Variants in SGCD observed in about 807,000 individuals in gnomAD.
SGCD encodes the protein delta-sarcoglycan.
A neutral mutation model predicts 36.6 loss-of-function variants in SGCD; 18 were observed. The ratio of observed to expected loss-of-function variants is 0.49; its 90% CI spans 0.34 to 0.73. The LOEUF is 0.73. Among genes scored for constraint, SGCD ranks in the 30% least tolerant of loss-of-function variants. SGCD has a pLI of 0.01. For synonymous variants in SGCD, 133 were observed against 130.6 expected (o/e 1.02, Z -0.12); for missense variants, 387 against 346.7 (o/e 1.12, Z -0.92).
intron 1 of SGCD, among the ~76,000 whole-genome samples, chr5:155,917,599 C>T (rs1009031292): frequency 1.3e-4 from 20 of 152,182 alleles, no homozygotes; most frequent in African/African-American, 4.8e-4. Flanking sequence ...GGAAATAAAA[C>T]ATACAGCCTA....
chr5:156,236,294 G>T (rs963485518), intron 3 of SGCD, among the ~76,000 whole-genome samples: 2 of 151,924 alleles, frequency 1.3e-5, no homozygotes, highest in Non-Finnish European at 1.5e-5. Context: ...TTGTCCCTTT[G>T]CATTTAGTGT....
At chr5:156,688,171 C>A (rs1186576727) in intron 7 of SGCD, among the ~76,000 whole-genome samples, 1 of 152,062 alleles carries the variant, frequency 6.6e-6, no homozygotes, top group African/African-American at 2.4e-5. Flanking sequence ...GGTAATAAGC[C>A]TAATATCCTT....
intron 3 of SGCD, among the ~76,000 whole-genome samples, chr5:156,297,844 C>T (rs895415039): frequency 2.0e-5 from 3 of 150,948 alleles, no homozygotes; most frequent in Non-Finnish European, 3.0e-5. Context: ...CTATAGTCAC[C>T]CTGTTGTGCT....
chr5:155,975,452 A>G (rs996000722), intron 1 of SGCD, among the ~76,000 whole-genome samples: 3 of 152,094 alleles, frequency 2.0e-5, no homozygotes, highest in Non-Finnish European at 4.4e-5. Context: ...TGCCAAAAAT[A>G]TCAACAGTGC....
At chr5:156,372,933 G>A (rs1245712666) in intron 3 of SGCD, among the ~76,000 whole-genome samples, 3 of 145,496 alleles carry the variant, frequency 2.1e-5, no homozygotes, top group Non-Finnish European at 4.4e-5. Context: ...GTACTCCTTT[G>A]CCTTTGTGTT....
At chr5:155,870,164 G>A (rs1755604048), upstream of SGCD, among the ~76,000 whole-genome samples, 1 of 152,204 alleles carries the variant, frequency 6.6e-6, no homozygotes, top group Non-Finnish European at 1.5e-5. Context: ...TGGAGCCAGA[G>A]GGCCTGGATT....
chr5:155,839,300 A>G, the SGCD span, among the ~76,000 whole-genome samples: 3 of 152,176 alleles, frequency 2.0e-5, no homozygotes, highest in African/African-American at 7.2e-5. Flanking sequence ...CTAGACTTAG[A>G]TTGTAGACCT....
intron 1 of SGCD, among the ~76,000 whole-genome samples, chr5:155,942,036 C>G (rs555891740): frequency 6.6e-6 from 1 of 152,162 alleles, no homozygotes; most frequent in Non-Finnish European, 1.5e-5. Flanking sequence ...TGTCTGATGT[C>G]AAAGTCCATG....
intron 3 of SGCD, among the ~76,000 whole-genome samples, chr5:156,381,807 C>A (rs994769738): frequency 6.6e-6 from 1 of 152,104 alleles, no homozygotes; most frequent in Non-Finnish European, 1.5e-5. Flanking sequence ...AGCTGGGGTT[C>A]AGCTCCAACA....
chr5:155,884,334 C>T (rs940638592), intron 1 of SGCD, among the ~76,000 whole-genome samples: 4 of 152,152 alleles, frequency 2.6e-5, no homozygotes, highest in African/African-American at 7.2e-5. Flanking sequence ...GGCTGCTGCT[C>T]TCCTCAGGGA....
At chr5:156,277,390 C>T (rs763719819) in intron 3 of SGCD, among the ~76,000 whole-genome samples, 11 of 152,062 alleles carry the variant, frequency 7.2e-5, no homozygotes, top group East Asian at 1.9e-4. Flanking sequence ...GAAGTTTTGC[C>T]GATGGTTAGT....
At chr5:156,324,397 A>G (rs1767750616), upstream of SGCD, among the ~76,000 whole-genome samples, 1 of 152,330 alleles carries the variant, frequency 6.6e-6, no homozygotes. Flanking sequence ...ATTCCCCTTA[A>G]ATACTTCTTG....
chr5:156,738,409 A>G (rs1756487378), intron 7 of SGCD, among the ~76,000 whole-genome samples: 1 of 152,192 alleles, frequency 6.6e-6, no homozygotes, highest in South Asian at 2.1e-4. Context: ...CCCAGCTTCT[A>G]TTCACAGTTC....
At chr5:156,084,444 T>C (rs1224112938) in intron 1 of SGCD, among the ~76,000 whole-genome samples, 2 of 152,200 alleles carry the variant, frequency 1.3e-5, no homozygotes, top group East Asian at 3.8e-4. Context: ...TTTGATCTTA[T>C]AATCTCTCAT....
At chr5:156,281,526 A>T (rs1766452944) in intron 3 of SGCD, among the ~76,000 whole-genome samples, 1 of 152,154 alleles carries the variant, frequency 6.6e-6, no homozygotes, top group Non-Finnish European at 1.5e-5. Flanking sequence ...ACAAATAATT[A>T]TTGAGGCCCC....
At chr5:156,748,823 C>T (rs182325889) in intron 7 of SGCD, among the ~76,000 whole-genome samples, 94 of 152,156 alleles carry the variant, frequency 6.2e-4, no homozygotes, top group African/African-American at 2.0e-3. Flanking sequence ...GATGGAGTCT[C>T]GCTCTGTTGC....
intron 1 of SGCD, among the ~76,000 whole-genome samples, chr5:155,905,227 T>C (rs1348746099): frequency 6.6e-6 from 1 of 152,124 alleles, no homozygotes; most frequent in African/African-American, 2.4e-5. Flanking sequence ...AAATATGCCA[T>C]AAACAGCCAT....
intron 3 of SGCD, among the ~76,000 whole-genome samples, chr5:156,410,153 A>G (rs1452822666): frequency 1.3e-5 from 2 of 152,206 alleles, no homozygotes; most frequent in Non-Finnish European, 2.9e-5. Flanking sequence ...GGTGCCTATC[A>G]GTGGATTGGA....
At chr5:156,701,867 A>G (rs1278556693) in intron 7 of SGCD, among the ~76,000 whole-genome samples, 2 of 152,208 alleles carry the variant, frequency 1.3e-5, no homozygotes, top group Non-Finnish European at 2.9e-5. Context: ...TGAATTGACT[A>G]TGGTTTTTCT....
Sources: allele counts gnomAD v4.1 joint callset (sites outside exome capture counted in the v4.1 genomes callset), GRCh38; gene constraint gnomAD v4.1.1; transcripts MANE v1.5; gene names NCBI Gene and HGNC (gene_info 2026-07-23, HGNC 2026-07-21).